VCL: variants seen among roughly 807,000 people sequenced by gnomAD.
VCL encodes vinculin.
In VCL, 47 loss-of-function variants were observed where a neutral mutation model predicts 125.7. The observed-to-expected ratio is 0.37, with a 90% CI of 0.30 to 0.48. The LOEUF (loss-of-function observed/expected upper bound fraction) is 0.48, where lower values mean the gene tolerates loss of function less well. VCL is among the 20% of genes least tolerant of loss of function. The pLI is 0.99. For missense variants in VCL, 1,069 were observed against 1,455.5 expected (o/e 0.73, Z 4.32); for synonymous variants, 458 against 514.6 (o/e 0.89, Z 1.49).
intron 16 of VCL, among the ~76,000 whole-genome samples, chr10:74,105,618 A>G (rs1840119724): frequency 6.6e-6 from 1 of 152,050 alleles, no homozygotes; most frequent in African/African-American, 2.4e-5. Flanking sequence ...GGGCAGTGGC[A>G]TGATCTCAGC....
intron 1 of VCL, 21 bp downstream of exon 1, chr10:73,998,396 G>A (rs1840156328): frequency 6.9e-7 from 1 of 1,451,536 alleles, no homozygotes; most frequent in Non-Finnish European, 9.1e-7. Flanking sequence ...AGGGCCTGGC[G>A]CGGGAGCGGG....
intron 1 of VCL, among the ~76,000 whole-genome samples, chr10:74,024,980 C>T (rs374130536): frequency 6.6e-6 from 1 of 152,252 alleles, no homozygotes; most frequent in Middle Eastern, 3.4e-3. Flanking sequence ...ATATAACAGC[C>T]AAAAATATTA....
At chr10:74,114,480 A>T (rs1840282509) in intron 20 of VCL, 93 bp downstream of exon 20, 1 of 1,462,268 alleles carries the variant, frequency 6.8e-7, no homozygotes, top group Non-Finnish European at 9.3e-7. Flanking sequence ...GAGGGAGAAA[A>T]GCAGGAGAGA....
Position 74,074,660 on chromosome 10 carries a change from T to C in VCL, c.623-83T>C, listed in dbSNP as rs58026892. On this transcript the variant is annotated intron_variant, in intron 5 of 21. Coordinates refer to ENST00000211998, the MANE Select transcript of VCL (RefSeq NM_014000.3). ...TAGGATCTTAAAAGCCCAAAACATC[T>C]AAAGTGTAGAACATCTTTTGTGAAT... 0.012 allele frequency: 18,179 copies of C among 1,516,166 alleles called. 1,754 individuals are homozygous for C. In the African/African-American group the frequency reaches 0.22, roughly 18 times the overall value. The allele number at this position is 1,516,166 out of a possible 1,614,324, so 93.9% of individuals were successfully genotyped here. A position where few individuals can be genotyped will look rare whatever the true frequency, so the allele number is the denominator to read the frequency against.
At position 74,111,986 on chromosome 10, in the gene VCL, C is replaced by T. The variant is rs747647927; in HGVS notation, c.2823C>T (p.Val941=). 8 of 1,611,746 alleles carry T rather than the reference C, an allele frequency of 5.0e-6. No homozygotes were observed. The highest frequency in any genetic ancestry group is 1.1e-5 in the South Asian group (1 of 91,052). The change falls in exon 19 of 22, where the codon GTC becomes GTT. Residue 941 remains valine (V), a synonymous_variant. Transcript: ENST00000211998. The part of the protein sequence containing the change: ...ADAADAAGFP[V]PPDMEDDYEP... ...CGGCCGATGCTGCTGGCTTCCCTGT[C>T]CCCCCTGACATGGAAGACGATTACG...
intron 2 of VCL, among the ~76,000 whole-genome samples, chr10:74,053,459 A>G (rs916431590): frequency 1.3e-5 from 2 of 151,786 alleles, no homozygotes; most frequent in African/African-American, 4.8e-5. Context: ...TTTTTTTCTT[A>G]TCGCTCTTAT....
intron 1 of VCL, among the ~76,000 whole-genome samples, chr10:74,018,553 A>G (rs756565971): frequency 4.5e-4 from 69 of 152,126 alleles, no homozygotes; most frequent in Non-Finnish European, 4.6e-4. Context: ...AAATGGGAAT[A>G]CCTTCTGTGC....
In VCL at chr10:74,118,860, C is replaced by T. The variant is rs1840352144; in HGVS notation, c.*691C>T. ...GAAATCACAGAATCATATGATTCTG[C>T]TTTTACCATGCCCCTGAGCAATGTC... is the stretch of plus-strand genomic sequence containing the variant. On this transcript the variant is annotated 3_prime_UTR_variant, in exon 22 of 22. Coordinates refer to ENST00000211998, the MANE Select transcript of VCL (RefSeq NM_014000.3). The T allele has an allele frequency of 6.4e-6, 1 of 155,818 alleles. No homozygotes were observed. The highest frequency in any genetic ancestry group is 1.4e-5 in the Non-Finnish European group (1 of 70,052). The allele number at this position is 155,818 out of a possible 1,614,324, so 9.7% of individuals were successfully genotyped here.
intron 2 of VCL, among the ~76,000 whole-genome samples, chr10:74,055,310 A>T (rs1841372965): frequency 6.6e-6 from 1 of 152,074 alleles, no homozygotes; most frequent in Non-Finnish European, 1.5e-5. Flanking sequence ...AAACAAACAA[A>T]CAAATGATAC....
intron 1 of VCL, among the ~76,000 whole-genome samples, chr10:74,027,195 T>C (rs1321163462): frequency 1.3e-5 from 2 of 152,182 alleles, no homozygotes; most frequent in African/African-American, 4.8e-5. Context: ...GATACTTTCA[T>C]GGTATTCACA....
At chr10:74,117,901 C>A in intron 21 of VCL, 122 bp from the exon 22 acceptor site, 1 of 1,410,726 alleles carries the variant, frequency 7.1e-7, no homozygotes, top group Non-Finnish European at 1.0e-6. Context: ...GTGATGCAAG[C>A]AAATATGGGG....
At chr10:73,998,817 G>A (rs1053299614) in intron 1 of VCL, among the ~76,000 whole-genome samples, 1 of 152,148 alleles carries the variant, frequency 6.6e-6, no homozygotes, top group Non-Finnish European at 1.5e-5. Context: ...GAGGGAGAGC[G>A]GGCCTTCCCA....
intron 2 of VCL, among the ~76,000 whole-genome samples, chr10:74,056,325 C>T (rs1348770550): frequency 6.6e-6 from 1 of 151,666 alleles, no homozygotes; most frequent in Non-Finnish European, 1.5e-5. Context: ...ATTCAGTTTT[C>T]CCCTTAGCTT....
intron 11 of VCL, among the ~76,000 whole-genome samples, chr10:74,095,044 A>G (rs1290770975): frequency 6.6e-6 from 1 of 152,198 alleles, no homozygotes; most frequent in African/African-American, 2.4e-5. Flanking sequence ...AATTAGTACA[A>G]ACTTTCTAAA....
At chr10:74,078,209 T>A (rs1453265659) in intron 6 of VCL, among the ~76,000 whole-genome samples, 1 of 152,190 alleles carries the variant, frequency 6.6e-6, no homozygotes, top group Non-Finnish European at 1.5e-5. Flanking sequence ...CGTGAATCAT[T>A]AAATTCTATT....
At chr10:74,032,195 A>C (rs1840887008) in intron 1 of VCL, among the ~76,000 whole-genome samples, 1 of 147,058 alleles carries the variant, frequency 6.8e-6, no homozygotes, top group Non-Finnish European at 1.5e-5. Context: ...AGCTGTGATC[A>C]TGCCACTGCA....
Position 74,112,918 on chromosome 10 carries a change from G to A in VCL, c.2949+806G>A, listed in dbSNP as rs568222768. Among the ~76,000 whole-genome samples the A allele has an allele frequency of 2.6e-5, 4 of 152,288 alleles. No individual in the cohort carries two copies. The South Asian group carries it at 8.3e-4, about 32-fold the overall frequency. On this transcript the variant is annotated intron_variant, in intron 19 of 21. Coordinates refer to ENST00000211998, the MANE Select transcript of VCL (RefSeq NM_014000.3). ...TGATGGGGTCCTGGAATGATCCTAGGTCTGCACTAGAAGAGGTAGACCCAG... is the reference window on the plus strand; with the variant it reads ...TGATGGGGTCCTGGAATGATCCTAGATCTGCACTAGAAGAGGTAGACCCAG...
intron 1 of VCL, among the ~76,000 whole-genome samples, chr10:74,004,905 A>G (rs34621152): frequency 8.8e-4 from 134 of 152,200 alleles, no homozygotes; most frequent in Non-Finnish European, 1.0e-3. Flanking sequence ...AGGTTTCACC[A>G]TGTTGGCCAG....
chr10:74,119,600 AT>A lies in VCL; in HGVS notation c.*1437del, dbSNP rs1052956679. On this transcript the variant is annotated 3_prime_UTR_variant, in exon 22 of 22. Coordinates refer to ENST00000211998, the MANE Select transcript of VCL (RefSeq NM_014000.3). Reference sequence around the variant, plus strand: ...AGTATTTCCCAGCACATGAAACCTTATTTTTTCCCAAAGCCAGAACCAGATG... The same window carrying A: ...AGTATTTCCCAGCACATGAAACCTTATTTTTCCCAAAGCCAGAACCAGATG... The A allele has an allele frequency of 6.6e-6, 1 of 152,156 alleles. No individual in the cohort carries two copies. Among genetic ancestry groups the A allele is most frequent in the Non-Finnish European group, 1.5e-5 (1 of 68,036 alleles). The allele number at this position is 152,156 out of a possible 1,614,324, so 9.4% of individuals were successfully genotyped here.
Sources: gnomAD v4.1 joint callset for allele counts (sites outside exome capture counted in the v4.1 genomes callset) on GRCh38, gnomAD v4.1.1 for gene constraint, MANE v1.5 for transcripts, NCBI Gene and HGNC (gene_info 2026-07-23, HGNC 2026-07-21) for gene names.